The following CMTM8 variants were observed in gnomAD, a reference collection of about 807,000 sequenced individuals.
The protein encoded by CMTM8 is CKLF-like MARVEL transmembrane domain-containing protein 8.
A neutral mutation model predicts 18.6 loss-of-function variants in CMTM8; 12 were observed. The ratio of observed to expected loss-of-function variants is 0.65; its 90% confidence interval spans 0.41 to 1.05. The LOEUF is 1.05. Among genes scored for constraint, CMTM8 ranks in the 50% least tolerant of loss-of-function variants. The pLI is 0.00. For missense variants in CMTM8, 217 were observed against 227.2 expected (o/e 0.95, Z 0.29); for synonymous variants, 87 against 90.6 (o/e 0.96, Z 0.23).
intron 1 of CMTM8, among the ~76,000 whole-genome samples, chr3:32,316,666 A>T: frequency 6.6e-6 from 1 of 151,656 alleles, no homozygotes; most frequent in Non-Finnish European, 1.5e-5. Context: ...TTGTTTGGGG[A>T]TTTTTTTTTC....
At chr3:32,337,015 A>G (rs551590114) in intron 1 of CMTM8, among the ~76,000 whole-genome samples, 2 of 152,220 alleles carry the variant, frequency 1.3e-5, no homozygotes, top group African/African-American at 4.8e-5. Context: ...AGGGCATCAC[A>G]TTGCAAGGAG....
chr3:32,317,857 C>A (rs1336699640), intron 1 of CMTM8, among the ~76,000 whole-genome samples: 3 of 151,996 alleles, frequency 2.0e-5, no homozygotes, highest in Non-Finnish European at 4.4e-5. Context: ...AGTTCAAGAC[C>A]AGCCTGGCCA....
chr3:32,313,069 T>A (rs536422627), intron 1 of CMTM8, among the ~76,000 whole-genome samples: 2 of 152,196 alleles, frequency 1.3e-5, no homozygotes, highest in South Asian at 4.2e-4. Context: ...CCATGTAAGG[T>A]AACATATTCA....
Position 32,369,979 on chromosome 3 carries a change from G to T in CMTM8, c.*12G>T. The T allele has an allele frequency of 6.6e-7, 1 of 1,506,242 alleles. No individual in the cohort carries two copies. Among genetic ancestry groups the T allele is most frequent in the South Asian group, 1.2e-5 (1 of 80,776 alleles). 93.3% of individuals were successfully genotyped at this position (1,506,242 alleles called of 1,614,324 possible). ...GGACCATACAGTGATTTACCATTTT[G>T]ATAATTAAAAGGAAAAAAAAAGGAA... On this transcript the variant is annotated 3_prime_UTR_variant, in exon 4 of 4. Coordinates refer to ENST00000307526, the MANE Select transcript of CMTM8 (RefSeq NM_178868.5).
chr3:32,328,683 C>CA (rs754303730), intron 1 of CMTM8, among the ~76,000 whole-genome samples: 25 of 151,810 alleles, frequency 1.6e-4, no homozygotes, highest in Non-Finnish European at 2.6e-4. Flanking sequence ...TAAAAAAAGT[C>CA]AAAGTATCAT....
intron 1 of CMTM8, among the ~76,000 whole-genome samples, chr3:32,246,130 ACT>A (rs1308787490): frequency 1.3e-5 from 2 of 151,940 alleles, no homozygotes; most frequent in Non-Finnish European, 2.9e-5. Flanking sequence ...TTTAAAGCAT[ACT>A]CTCTTGTAAA....
chr3:32,351,134 C>T (rs1180053362), intron 1 of CMTM8, among the ~76,000 whole-genome samples: 2 of 152,148 alleles, frequency 1.3e-5, no homozygotes, highest in Non-Finnish European at 2.9e-5. Context: ...GGCACTGACA[C>T]AGCAGATGAA....
chr3:32,246,176 G>A (rs527674033), intron 1 of CMTM8, among the ~76,000 whole-genome samples: 1 of 152,238 alleles, frequency 6.6e-6, no homozygotes, highest in East Asian at 1.9e-4. Context: ...GACCATCTGT[G>A]CTGGATACCT....
chr3:32,272,096 A>G (rs943122455), intron 1 of CMTM8, among the ~76,000 whole-genome samples: 1 of 152,192 alleles, frequency 6.6e-6, no homozygotes, highest in African/African-American at 2.4e-5. Context: ...CAAGTTATAG[A>G]ATTCTAACTT....
At chr3:32,328,523 C>T (rs548045583) in intron 1 of CMTM8, among the ~76,000 whole-genome samples, 2 of 146,386 alleles carry the variant, frequency 1.4e-5, no homozygotes, top group African/African-American at 2.5e-5. Context: ...GCACTCCAGC[C>T]TTGGCAACAG....
intron 1 of CMTM8, among the ~76,000 whole-genome samples, chr3:32,324,281 T>TACCTGCACAATGTGCACATG: frequency 6.6e-6 from 1 of 152,178 alleles, no homozygotes; most frequent in South Asian, 2.1e-4. Flanking sequence ...AAAAAAACTT[T>TACCTGCACAATGTGCACATG]TTCCAGTCTG....
chr3:32,362,046 C>CTTTTTCTTTTTTTTT (rs768641791), intron 2 of CMTM8, among the ~76,000 whole-genome samples: 2 of 92,066 alleles, frequency 2.2e-5, no homozygotes, highest in South Asian at 4.1e-4. Context: ...ATTTTCTTTT[C>CTTTTTCTTTTTTTTT]TTTTTTTTTT....
chr3:32,267,375 T>C (rs1702365580), intron 1 of CMTM8, among the ~76,000 whole-genome samples: 1 of 152,204 alleles, frequency 6.6e-6, no homozygotes, highest in Admixed American at 6.5e-5. Flanking sequence ...TAATAAATGG[T>C]GCTGGGAAAA....
chr3:32,327,087 G>A (rs916117162), intron 1 of CMTM8, among the ~76,000 whole-genome samples: 1 of 150,756 alleles, frequency 6.6e-6, no homozygotes, highest in African/African-American at 2.4e-5. Context: ...TAACCTTAGT[G>A]ACCCTCATTC....
chr3:32,357,399 T>G lies in CMTM8; in HGVS notation c.174T>G (p.Leu58=), dbSNP rs1210863620. Residue 58 remains leucine (L), a synonymous_variant, in exon 2 of 4, where the codon CTT becomes CTG. Coordinates refer to ENST00000307526, the MANE Select transcript of CMTM8 (RefSeq NM_178868.5). ...EIVLGLLVWT[L]IAGTEYFRVP... Reference sequence around the variant, plus strand: ...TTCTGGGGCTGCTGGTATGGACGCTTATTGCTGGAACTGAGTACTTCCGGG... The same window carrying G: ...TTCTGGGGCTGCTGGTATGGACGCTGATTGCTGGAACTGAGTACTTCCGGG... The G allele has an allele frequency of 6.2e-7, 1 of 1,613,994 alleles. No individual in the cohort carries two copies. The highest frequency in any genetic ancestry group is 8.5e-7 in the Non-Finnish European group (1 of 1,180,026).
chr3:32,308,884 G>A (rs755182158), intron 1 of CMTM8, among the ~76,000 whole-genome samples: 3 of 152,154 alleles, frequency 2.0e-5, no homozygotes, highest in Non-Finnish European at 4.4e-5. Flanking sequence ...TGGGGTCACA[G>A]CAGCCCTACC....
At chr3:32,240,868 G>A (rs561492564) in intron 1 of CMTM8, among the ~76,000 whole-genome samples, 3 of 152,002 alleles carry the variant, frequency 2.0e-5, no homozygotes, top group Non-Finnish European at 2.9e-5. Flanking sequence ...GTTCACTGCC[G>A]CCTTGACCTC....
At chr3:32,354,719 G>C (rs1559388104) in intron 1 of CMTM8, among the ~76,000 whole-genome samples, 1 of 152,130 alleles carries the variant, frequency 6.6e-6, no homozygotes, top group Non-Finnish European at 1.5e-5. Context: ...CATCCACAAA[G>C]GGCCGTTCTG....
At position 32,287,432 on chromosome 3, in the gene CMTM8, T is replaced by TA. The variant is rs1413506368; in HGVS notation, c.147+48317dup. Among the ~76,000 whole-genome samples, 4 of 152,342 alleles carry TA rather than the reference T, an allele frequency of 2.6e-5. No homozygotes were observed. The East Asian group carries it at 7.7e-4, about 29-fold the overall frequency. ...ACCAATGTGATACTGCCCTCACTCT[T>TA]AAAATCTTGAAATCCTTCAGCTGTT... On this transcript the variant is annotated intron_variant, in intron 1 of 3. Coordinates refer to ENST00000307526, the MANE Select transcript of CMTM8 (RefSeq NM_178868.5).
Sources: allele counts gnomAD v4.1 joint callset (sites outside exome capture counted in the v4.1 genomes callset), GRCh38; gene constraint gnomAD v4.1.1; transcripts MANE v1.5; gene names NCBI Gene and HGNC (gene_info 2026-07-23, HGNC 2026-07-21).